The following VWA5B1 variants were observed in gnomAD, a reference collection of about 807,000 sequenced individuals.
VWA5B1 encodes the protein von Willebrand factor A domain-containing protein 5B1.
VWA5B1 carries 115 observed loss-of-function variants against 118.2 expected under a neutral mutation model. The ratio of observed to expected loss-of-function variants is 0.97; its 90% CI spans 0.84 to 1.14. The LOEUF is 1.14. Ranked by LOEUF, VWA5B1 falls within the 50% of genes most tolerant of loss-of-function variation. VWA5B1 has a pLI of 0.00. For missense variants in VWA5B1, 1,596 were observed against 1,603.8 expected (o/e 1.00, Z 0.08); for synonymous variants, 682 against 658.4 (o/e 1.04, Z -0.55).
At chr1:20,339,276 T>C (rs983043775) in intron 14 of VWA5B1, 2 of 152,166 alleles carry the variant, frequency 1.3e-5, no homozygotes, top group Non-Finnish European at 2.9e-5. Flanking sequence ...GCATGGTGGC[T>C]CATGCCTGTA....
At chr1:20,291,359 T>TTCTTTCTTTCTTTCTTTCTTTCTC (rs1381113890) in intron 1 of VWA5B1, among the ~76,000 whole-genome samples, 40 of 103,404 alleles carry the variant, frequency 3.9e-4, no homozygotes, top group African/African-American at 1.4e-3. Context: ...CTTTCTTTCT[T>TTCTTTCTTTCTTTCTTTCTTTCTC]TCTCTCTCTC....
In VWA5B1 at chr1:20,345,556, C is replaced by T; in HGVS notation, c.2727C>T (p.Ser909=). ...TCGTGCCTGTGGACGTGAGCAAGAG[C>T]CGGTACCTGCCCACCGTGGTGGAGT... ...TAFVPVDVSK[S]RYLPTVVEYP... is the part of the protein sequence containing the mutation. The change falls in exon 17 of 22, where the codon AGC becomes AGT. Residue 909 remains serine, a synonymous_variant. Transcript: ENST00000289815. 6.4e-7 allele frequency: 1 copy of T among 1,550,864 alleles called. No homozygotes were observed. The highest frequency in any genetic ancestry group is 8.7e-7 in the Non-Finnish European group (1 of 1,146,866).
rs375681162 is a variant in VWA5B1 at position 20,350,865 on chromosome 1, C to T, written c.2962C>T (p.Arg988Cys). 23 of 1,551,742 alleles carry T rather than the reference C, an allele frequency of 1.5e-5. No homozygotes were observed. The highest frequency in any genetic ancestry group is 2.0e-5 in the Non-Finnish European group (23 of 1,147,034). ...ATTCTGTGGCTCTCCAGGTCCCCAGCGCAGCCTGGCTACAAATACTCTTTC... is the reference window on the plus strand; with the variant it reads ...ATTCTGTGGCTCTCCAGGTCCCCAGTGCAGCCTGGCTACAAATACTCTTTC... ...EKHGASEGPQ[R>C]SLATNTLSSM... The change falls in exon 20 of 22, where the codon CGC becomes TGC. Residue 988 changes from arginine to cysteine, a missense_variant. Physicochemically the swap from Arg to Cys is radical, Grantham distance 180 (BLOSUM62 -3). Transcript: ENST00000289815.
chr1:20,325,123 C>T (rs2089338430), intron 8 of VWA5B1, among the ~76,000 whole-genome samples: 1 of 152,236 alleles, frequency 6.6e-6, no homozygotes, highest in African/African-American at 2.4e-5. Flanking sequence ...AAGTGCTTTT[C>T]CCAGCATCAC....
In VWA5B1 at chr1:20,352,136, G is replaced by T. The variant is rs368836401; in HGVS notation, c.3105G>T (p.Ser1035=). The change falls in exon 21 of 22, where the codon TCG becomes TCT. Residue 1035 remains serine (S), a synonymous_variant. Coordinates refer to ENST00000289815, the MANE Select transcript of VWA5B1 (RefSeq NM_001039500.3). The part of the protein sequence containing the change: ...LSKPLIKAVE[S]TSGNQSFDYI... ...AGCCACTGATCAAAGCTGTGGAGTC[G>T]ACCTCCGGGAACCAGAGCTTCGACT... The T allele has an allele frequency of 6.4e-7, 1 of 1,551,182 alleles. No individual in the cohort carries two copies. Among genetic ancestry groups the T allele is most frequent in the African/African-American group, 1.4e-5 (1 of 73,020 alleles).
chr1:20,309,347 C>T (rs914484368), intron 1 of VWA5B1, among the ~76,000 whole-genome samples: 3 of 152,184 alleles, frequency 2.0e-5, no homozygotes, highest in African/African-American at 7.2e-5. Context: ...AAACTCAGCT[C>T]CGTGGGGGGA....
At chr1:20,330,599 C>A (rs1209000884) in intron 10 of VWA5B1, among the ~76,000 whole-genome samples, 1 of 152,222 alleles carries the variant, frequency 6.6e-6, no homozygotes, top group Non-Finnish European at 1.5e-5. Flanking sequence ...GCACACGACT[C>A]ACAAGAGAAG....
Position 20,348,532 on chromosome 1 carries a change from G to C in VWA5B1, c.2878+174G>C, listed in dbSNP as rs370562575. On this transcript the variant is annotated intron_variant, in intron 18 of 21. Transcript: ENST00000289815. ...CCCAGGCTCTCTGAAGCCTAAGAGG[G>C]ACAGAGAGGCTCGGTATGGCCGGAG... Among the ~76,000 whole-genome samples, 44 of 152,194 alleles carry C rather than the reference G, an allele frequency of 2.9e-4. 1 individual carries two copies. The highest frequency in any genetic ancestry group is 1.0e-3 in the African/African-American group (43 of 41,530).
At chr1:20,301,156 G>C (rs1486776436) in intron 1 of VWA5B1, among the ~76,000 whole-genome samples, 1 of 152,246 alleles carries the variant, frequency 6.6e-6, no homozygotes, top group Admixed American at 6.5e-5. Context: ...ATGGCTGGGT[G>C]GCAGGTCTGA....
chr1:20,348,203 C>T (rs1570228645), intron 17 of VWA5B1, 42 bp from the exon 18 acceptor site: 1 of 1,526,786 alleles, frequency 6.5e-7, no homozygotes, highest in Non-Finnish European at 8.9e-7. Flanking sequence ...AGGACTGGCA[C>T]ATTTGTACCC....
chr1:20,331,024 C>A (rs758840815), intron 11 of VWA5B1, 41 bp downstream of exon 11: 4 of 1,486,484 alleles, frequency 2.7e-6, no homozygotes, highest in Non-Finnish European at 2.7e-6. Context: ...GGTGCTGGAA[C>A]CTCAGAGGCT....
Position 20,318,871 on chromosome 1 carries a change from C to T in VWA5B1, c.841+150C>T, listed in dbSNP as rs1199690689. ...GGTGTGGCCAAGGAGAGGAGACCCA[C>T]TACTTGCCTTCTGGGAAAGTTGGCT... On this transcript the variant is annotated intron_variant, in intron 6 of 21. Coordinates refer to ENST00000289815, the MANE Select transcript of VWA5B1 (RefSeq NM_001039500.3). The T allele has an allele frequency of 2.4e-6, 3 of 1,263,602 alleles. No homozygotes were observed. In the African/African-American group the frequency reaches 4.6e-5, roughly 19 times the overall value. The allele number at this position is 1,263,602 out of a possible 1,614,324, so 78.3% of individuals were successfully genotyped here. A position where few individuals can be genotyped will look rare whatever the true frequency, so the allele number is the denominator to read the frequency against.
intron 8 of VWA5B1, among the ~76,000 whole-genome samples, chr1:20,326,080 C>T (rs1024502866): frequency 1.3e-5 from 2 of 152,188 alleles, no homozygotes; most frequent in South Asian, 4.1e-4. Flanking sequence ...AGCAGAATCT[C>T]CTCCTAGCAG....
intron 4 of VWA5B1, among the ~76,000 whole-genome samples, chr1:20,317,281 G>T (rs78917912): frequency 0.014 from 2,134 of 152,152 alleles, 49 homozygotes; most frequent in African/African-American, 0.047. Context: ...CGGTGAGAAC[G>T]ATGTGAGCTA....
intron 1 of VWA5B1, among the ~76,000 whole-genome samples, chr1:20,309,906 G>GCT (rs2088791660): frequency 1.0e-5 from 1 of 99,446 alleles, no homozygotes; most frequent in African/African-American, 3.9e-5. Flanking sequence ...CGATGGATTG[G>GCT]CTGTGTGTGT....
chr1:20,341,504 G>C (rs2089873354), intron 14 of VWA5B1, among the ~76,000 whole-genome samples: 1 of 152,144 alleles, frequency 6.6e-6, no homozygotes, highest in Admixed American at 6.5e-5. Context: ...CTGCAAGATG[G>C]AAAAAAATTA....
At chr1:20,300,790 C>T (rs1382642219) in intron 1 of VWA5B1, among the ~76,000 whole-genome samples, 1 of 152,222 alleles carries the variant, frequency 6.6e-6, no homozygotes, top group African/African-American at 2.4e-5. Flanking sequence ...AGAACCATAA[C>T]AAGGAAGAAG....
chr1:20,316,486 A>G (rs189967087), intron 4 of VWA5B1, among the ~76,000 whole-genome samples: 241 of 152,350 alleles, frequency 1.6e-3, no homozygotes, highest in Non-Finnish European at 2.1e-3. Context: ...TCATAATATA[A>G]GGCAATCTTG....
intron 14 of VWA5B1, among the ~76,000 whole-genome samples, chr1:20,339,936 C>T (rs939584397): frequency 1.2e-4 from 18 of 152,260 alleles, no homozygotes; most frequent in African/African-American, 4.1e-4. Flanking sequence ...TATTGAGAGC[C>T]AACTCTAAGT....
Sources: allele counts gnomAD v4.1 joint callset (sites outside exome capture counted in the v4.1 genomes callset), GRCh38; gene constraint gnomAD v4.1.1; transcripts MANE v1.5; gene names NCBI Gene and HGNC (gene_info 2026-07-23, HGNC 2026-07-21).